NOS1: variants seen among roughly 807,000 people sequenced by gnomAD.
The protein encoded by NOS1 is NOS type I.
Under a neutral mutation model 164.5 loss-of-function variants are expected in NOS1, and 51 were observed. The observed-to-expected ratio is 0.31, with a 90% CI of 0.25 to 0.39. The LOEUF (loss-of-function observed/expected upper bound fraction) is 0.39. Among genes scored for constraint, NOS1 ranks in the 10% least tolerant of loss-of-function variants. NOS1 has a pLI of 1.00. For synonymous variants in NOS1, 719 were observed against 745.8 expected, an observed-to-expected ratio of 0.96 and a Z score of 0.59; for missense variants, 1,362 against 1,885.6, an observed-to-expected ratio of 0.72 and a Z score of 5.14.
chr12:117,225,718 C>T (rs551688044), intron 24 of NOS1, among the ~76,000 whole-genome samples: 49 of 152,192 alleles, frequency 3.2e-4, no homozygotes, highest in African/African-American at 1.2e-3. Context: ...CTCCACTTCC[C>T]AGGTTCAAGC....
At chr12:117,256,462 A>G (rs1871462762) in intron 16 of NOS1, among the ~76,000 whole-genome samples, 1 of 151,658 alleles carries the variant, frequency 6.6e-6, no homozygotes, top group Non-Finnish European at 1.5e-5. Flanking sequence ...TGTTTTTAGT[A>G]GAGACGGGTT....
intron 3 of NOS1, chr12:117,304,978 A>G: frequency 1.0e-6 from 1 of 982,962 alleles, no homozygotes; most frequent in African/African-American, 1.7e-5. Flanking sequence ...CTTCAATTGC[A>G]TTCTATTGCC....
chr12:117,243,574 C>T lies in NOS1; in HGVS notation c.2824-139G>A, dbSNP rs1592944482. On this transcript the variant is annotated intron_variant, in intron 18 of 28. Coordinates refer to ENST00000317775, the MANE Select transcript of NOS1 (RefSeq NM_000620.5). The surrounding 1 kb of genome is among the most constrained non-coding windows in gnomAD (Gnocchi z 4.3). Reference sequence around the variant, plus strand: ...CCATCCATCCATCCATCCATCCATCCATCCATCCATCCATCCAGTAACCCT... The same window carrying T: ...CCATCCATCCATCCATCCATCCATCTATCCATCCATCCATCCAGTAACCCT... 2.3e-6 allele frequency: 2 copies of T among 853,702 alleles called. No homozygotes were observed. The allele number at this position is 853,702 out of a possible 1,614,324, so 52.9% of individuals were successfully genotyped here.
chr12:117,313,255 G>A (rs1415645215), intron 2 of NOS1, among the ~76,000 whole-genome samples: 5 of 152,130 alleles, frequency 3.3e-5, no homozygotes, highest in East Asian at 1.9e-4. Context: ...TAAGTCACAC[G>A]CTAGTGATGG....
chr12:117,214,428 G>T lies in NOS1; in HGVS notation c.*881C>A, dbSNP rs2135913467. On this transcript the variant is annotated 3_prime_UTR_variant, in exon 29 of 29. Transcript: ENST00000317775. The stretch of plus-strand genomic sequence containing the variant: ...TTGGATGCTATTGCTGGAGGAGGGG[G>T]TCAGTCAATGGATGTGGCAAAGTCA... 1 of 985,274 alleles carries T rather than the reference G, an allele frequency of 1.0e-6. No homozygotes were observed. The highest frequency in any genetic ancestry group is 1.2e-6 in the Non-Finnish European group (1 of 829,920). 61.0% of individuals were successfully genotyped at this position (985,274 alleles called of 1,614,324 possible). A position where few individuals can be genotyped will look rare whatever the true frequency, so the allele number is the denominator to read the frequency against.
At chr12:117,219,891 T>C (rs1956673657) in intron 27 of NOS1, among the ~76,000 whole-genome samples, 184 bp downstream of exon 27, 1 of 152,194 alleles carries the variant, frequency 6.6e-6, no homozygotes, top group African/African-American at 2.4e-5. Context: ...TGCCCAGCCA[T>C]CCTTCTACTT....
rs559090649 is a variant in NOS1, at chr12:117,312,299, G to A, written c.726-707C>T. Among the ~76,000 whole-genome samples the A allele has an allele frequency of 4.6e-5, 7 of 152,292 alleles. No homozygotes were observed. The South Asian group carries it at 1.5e-3, about 32-fold the overall frequency. On this transcript the variant is annotated intron_variant, in intron 2 of 28. Transcript: ENST00000317775. ...GGCCAGACTGATCTCTAACTCCTGG[G>A]CTCAAGCGATGCCCCTGCCTCAGCT... is the stretch of plus-strand genomic sequence containing the variant.
chr12:117,340,873 A>ATTTTTT (rs56322341), intron 1 of NOS1, among the ~76,000 whole-genome samples: 14 of 104,480 alleles, frequency 1.3e-4, no homozygotes, highest in African/African-American at 1.6e-4. Context: ...ACACCTGGCT[A>ATTTTTT]TTTTTTTTTT....
At chr12:117,312,910 C>T (rs577085962) in intron 2 of NOS1, among the ~76,000 whole-genome samples, 1 of 152,220 alleles carries the variant, frequency 6.6e-6, no homozygotes, top group Non-Finnish European at 1.5e-5. Context: ...ATCACGACCA[C>T]TACCACAATC....
rs1956531990 is a variant in NOS1, at chr12:117,211,787, T to C, written c.*3522A>G. ...TCTCCATCAGATTATAACCTTTGGC[T>C]GGGCGTGGTGGCTCATGCCTGTAAT... On this transcript the variant is annotated 3_prime_UTR_variant, in exon 29 of 29. Coordinates refer to ENST00000317775, the MANE Select transcript of NOS1 (RefSeq NM_000620.5). The C allele has an allele frequency of 2.0e-6, 2 of 985,418 alleles. No homozygotes were observed. The highest frequency in any genetic ancestry group is 1.0e-3 in the Middle Eastern group (2 of 1,914). The allele number at this position is 985,418 out of a possible 1,614,324, so 61.0% of individuals were successfully genotyped here.
At chr12:117,287,352 T>C (rs1872777431) in intron 5 of NOS1, among the ~76,000 whole-genome samples, 1 of 19,538 alleles carries the variant, frequency 5.1e-5, no homozygotes, top group Non-Finnish European at 9.4e-5. Context: ...GCTAATCCCT[T>C]TGATTTTTAC....
chr12:117,337,643 A>T (rs1213459486), intron 1 of NOS1, among the ~76,000 whole-genome samples: 1 of 152,156 alleles, frequency 6.6e-6, no homozygotes, highest in Non-Finnish European at 1.5e-5. Context: ...GTTTGCAAAT[A>T]TCACGTCACC....
intron 22 of NOS1, among the ~76,000 whole-genome samples, chr12:117,229,579 TC>T (rs1189558854): frequency 2.0e-5 from 3 of 151,836 alleles, no homozygotes; most frequent in Non-Finnish European, 4.4e-5. Context: ...TATCTATCTA[TC>T]TATCTATCTA....
chr12:117,220,455 T>C (rs1592922768), intron 26 of NOS1, among the ~76,000 whole-genome samples, 186 bp from the exon 27 acceptor site: 1 of 152,228 alleles, frequency 6.6e-6, no homozygotes, highest in Non-Finnish European at 1.5e-5. Flanking sequence ...GGAAAGTCAA[T>C]TGGAGGGTGC....
At chr12:117,303,181 G>T (rs1328352805) in intron 3 of NOS1, among the ~76,000 whole-genome samples, 1 of 152,134 alleles carries the variant, frequency 6.6e-6, no homozygotes, top group Non-Finnish European at 1.5e-5. Context: ...GGCTGGCTGG[G>T]GCTGGCTACA....
At chr12:117,295,308 CA>C (rs1873334588) in intron 3 of NOS1, among the ~76,000 whole-genome samples, 1 of 152,096 alleles carries the variant, frequency 6.6e-6, no homozygotes, top group African/African-American at 2.4e-5. Flanking sequence ...ATGCAAAAAT[CA>C]AAAGGAGAAT....
intron 2 of NOS1, among the ~76,000 whole-genome samples, chr12:117,319,384 T>C (rs979005447): frequency 6.6e-5 from 10 of 152,234 alleles, no homozygotes; most frequent in Admixed American, 6.5e-4. Flanking sequence ...AATTCTACCA[T>C]GAATGCCGCA....
intron 5 of NOS1, among the ~76,000 whole-genome samples, chr12:117,286,645 A>G (rs1874142035): frequency 6.6e-6 from 1 of 152,170 alleles, no homozygotes; most frequent in African/African-American, 2.4e-5. Context: ...TAATTTTTAA[A>G]TGTTGGCAAT....
intron 3 of NOS1, among the ~76,000 whole-genome samples, chr12:117,297,453 G>A (rs1372031634): frequency 6.6e-6 from 1 of 152,134 alleles, no homozygotes; most frequent in Non-Finnish European, 1.5e-5. Flanking sequence ...GTGCAATGGT[G>A]CGATCTCAGC....
Sources: allele counts gnomAD v4.1 joint callset (sites outside exome capture counted in the v4.1 genomes callset), GRCh38; gene constraint gnomAD v4.1.1; non-coding constraint Gnocchi (gnomAD v3.1); transcripts MANE v1.5; gene names NCBI Gene and HGNC (gene_info 2026-07-23, HGNC 2026-07-21).